AXDND1: variants seen among roughly 807,000 people sequenced by gnomAD.
AXDND1 encodes axonemal dynein light chain domain containing 1.
Under a neutral mutation model 137.5 loss-of-function variants are expected in AXDND1, and 110 were observed. That is an observed-to-expected ratio of 0.80 (90% CI 0.69 to 0.94). The LOEUF (loss-of-function observed/expected upper bound fraction) is 0.94, where lower values mean the gene tolerates loss of function less well. AXDND1 is among the 40% of genes least tolerant of loss of function. The probability of loss-of-function intolerance (pLI) is 0.00; values close to 1 mark genes in which losing one functional copy is unlikely to be tolerated. For synonymous variants in AXDND1, 414 were observed against 399.7 expected, an observed-to-expected ratio of 1.04 and a Z score of -0.43; for missense variants, 1,191 against 1,169.8, an observed-to-expected ratio of 1.02 and a Z score of -0.26.
At chr1:179,472,492 C>G (rs1302138123) in intron 17 of AXDND1, among the ~76,000 whole-genome samples, 2 of 152,168 alleles carry the variant, frequency 1.3e-5, no homozygotes, top group Admixed American at 6.5e-5. Flanking sequence ...AGAAAGTGTT[C>G]TAGAGATGTC....
intron 18 of AXDND1, among the ~76,000 whole-genome samples, chr1:179,488,657 T>TTC (rs369246972): frequency 4.7e-5 from 5 of 107,096 alleles, no homozygotes; most frequent in Admixed American, 1.7e-4. Flanking sequence ...CTTTCTTTCT[T>TTC]TCTTTCTTTC....
intron 16 of AXDND1, chr1:179,448,319 C>T (rs1558192795): frequency 1.3e-6 from 1 of 751,990 alleles, no homozygotes. Context: ...TGAAAATGCA[C>T]AGTCATAGAG....
intron 21 of AXDND1, among the ~76,000 whole-genome samples, chr1:179,522,569 A>G (rs1282716359): frequency 6.6e-6 from 1 of 152,098 alleles, no homozygotes; most frequent in African/African-American, 2.4e-5. Context: ...CTATGCAGAT[A>G]AAGTAGATGT....
At chr1:179,443,290 A>G (rs1659273611) in intron 15 of AXDND1, among the ~76,000 whole-genome samples, 2 of 152,200 alleles carry the variant, frequency 1.3e-5, no homozygotes, top group Non-Finnish European at 2.9e-5. Context: ...GTTCAATGCT[A>G]TTATCTAATT....
At chr1:179,474,120 G>A (rs1439984111) in intron 17 of AXDND1, among the ~76,000 whole-genome samples, 1 of 151,848 alleles carries the variant, frequency 6.6e-6, no homozygotes, top group Non-Finnish European at 1.5e-5. Flanking sequence ...AGCTACTTGG[G>A]AGGCTGAGGC....
intron 11 of AXDND1, among the ~76,000 whole-genome samples, chr1:179,396,466 G>A (rs1281008925): frequency 3.9e-5 from 6 of 151,996 alleles, no homozygotes; most frequent in African/African-American, 1.4e-4. Flanking sequence ...TGGCCAACAC[G>A]GTGAAACCCT....
At position 179,552,639 on chromosome 1, in the gene AXDND1, A is replaced by G. The variant is rs1673470643; in HGVS notation, c.3032-1873A>G. On this transcript the variant is annotated intron_variant, in intron 25 of 25. Transcript: ENST00000367618. ...CTTGTCTTTGCGCTTCAGCCTCCAC[A>G]GCCAGTGAGTGCTGAAGCCCAGCTG... 6.8e-6 allele frequency: 11 copies of G among 1,614,034 alleles called. No individual in the cohort carries two copies. The East Asian group carries it at 2.2e-4, about 33-fold the overall frequency.
chr1:179,388,194 A>G lies in AXDND1; in HGVS notation c.863+2835A>G, dbSNP rs116467668. 2.5e-3 allele frequency among the ~76,000 whole-genome samples: 378 copies of G among 152,330 alleles called. 4 individuals are homozygous for G. The highest frequency in any genetic ancestry group is 8.7e-3 in the African/African-American group (362 of 41,584). On this transcript the variant is annotated intron_variant, in intron 9 of 25. Coordinates refer to ENST00000367618, the MANE Select transcript of AXDND1 (RefSeq NM_144696.6). ...TTGCCTGATATCCAGTGTCTTAAAAATGGTTTCCTATTCTTTGTCCTTGTT... is the reference window on the plus strand; with the variant it reads ...TTGCCTGATATCCAGTGTCTTAAAAGTGGTTTCCTATTCTTTGTCCTTGTT...
At chr1:179,488,415 GT>G (rs1433180067) in intron 18 of AXDND1, among the ~76,000 whole-genome samples, 1 of 147,002 alleles carries the variant, frequency 6.8e-6, no homozygotes. Context: ...TATGTGTGTG[GT>G]TTTTTTTGTT....
At chr1:179,515,507 C>A (rs1669451013) in intron 21 of AXDND1, among the ~76,000 whole-genome samples, 1 of 152,056 alleles carries the variant, frequency 6.6e-6, no homozygotes, top group South Asian at 2.1e-4. Flanking sequence ...TGTTAAGATT[C>A]TTTTCTTCGT....
intron 20 of AXDND1, among the ~76,000 whole-genome samples, chr1:179,500,614 G>A (rs1331260594): frequency 6.6e-6 from 1 of 152,118 alleles, no homozygotes; most frequent in Non-Finnish European, 1.5e-5. Flanking sequence ...AGGATGCTAT[G>A]TAGCGATCCT....
chr1:179,369,750 G>A (rs1475243898), intron 3 of AXDND1, among the ~76,000 whole-genome samples: 1 of 152,122 alleles, frequency 6.6e-6, no homozygotes, highest in Non-Finnish European at 1.5e-5. Flanking sequence ...CTGTTTTTAT[G>A]TGGATTTACT....
rs1184823859 is a variant in AXDND1 at position 179,476,459 on chromosome 1, T to G, written c.1998-6669T>G. On this transcript the variant is annotated intron_variant, in intron 17 of 25. Transcript: ENST00000367618. ...TTTGTTTATAATGCCTTGTTTTTTGTGTAGATTCTAATTACCATCTGTGGT... is the reference window on the plus strand; with the variant it reads ...TTTGTTTATAATGCCTTGTTTTTTGGGTAGATTCTAATTACCATCTGTGGT... Among the ~76,000 whole-genome samples, 7 of 152,228 alleles carry G rather than the reference T, an allele frequency of 4.6e-5. No individual in the cohort carries two copies. The East Asian group carries it at 1.3e-3, about 29-fold the overall frequency.
intron 16 of AXDND1, chr1:179,447,590 A>C (rs1183647526): frequency 9.3e-7 from 1 of 1,079,602 alleles, no homozygotes; most frequent in African/African-American, 1.6e-5. Flanking sequence ...AGAAAGGTTC[A>C]ACTTACTAGT....
intron 15 of AXDND1, among the ~76,000 whole-genome samples, chr1:179,438,665 G>A (rs1658559537): frequency 6.6e-6 from 1 of 152,162 alleles, no homozygotes; most frequent in Non-Finnish European, 1.5e-5. Context: ...CGTAGCCCAG[G>A]GATGCGACCT....
intron 21 of AXDND1, among the ~76,000 whole-genome samples, chr1:179,515,611 G>A (rs937572639): frequency 6.6e-6 from 1 of 152,112 alleles, no homozygotes; most frequent in Non-Finnish European, 1.5e-5. Flanking sequence ...GTATTTGGAT[G>A]TCTAGATCTC....
At chr1:179,425,081 C>G (rs572504353) in intron 12 of AXDND1, among the ~76,000 whole-genome samples, 1 of 152,216 alleles carries the variant, frequency 6.6e-6, no homozygotes, top group South Asian at 2.1e-4. Context: ...TCCCTGTTTG[C>G]TGTTGTTTCT....
chr1:179,491,435 A>AC, intron 18 of AXDND1, 103 bp from the exon 19 acceptor site: 1 of 764,368 alleles, frequency 1.3e-6, no homozygotes, highest in Non-Finnish European at 2.1e-6. Context: ...TAATGTTGAA[A>AC]GTTGGACACA....
intron 21 of AXDND1, among the ~76,000 whole-genome samples, chr1:179,511,785 G>A (rs137951254): frequency 1.1e-4 from 17 of 152,058 alleles, no homozygotes; most frequent in African/African-American, 3.9e-4. Context: ...TTGCATTGTC[G>A]TTTTGATTTG....
Sources: allele counts gnomAD v4.1 joint callset (sites outside exome capture counted in the v4.1 genomes callset), GRCh38; gene constraint gnomAD v4.1.1; transcripts MANE v1.5; gene names NCBI Gene and HGNC (gene_info 2026-07-23, HGNC 2026-07-21).